The following SV2C variants were observed in gnomAD, a reference collection of about 807,000 sequenced individuals.
The protein encoded by SV2C is synaptic vesicle glycoprotein 2C, also known as solute carrier family 22 member B3.
A neutral mutation model predicts 79.7 loss-of-function variants in SV2C; 49 were observed. The observed-to-expected ratio is 0.61, with a 90% confidence interval of 0.49 to 0.78. The LOEUF is 0.78. Ranked by LOEUF, SV2C falls within the 30% of genes least tolerant of loss-of-function variation. SV2C has a pLI of 0.00. For synonymous variants in SV2C, 334 were observed against 333.2 expected, an observed-to-expected ratio of 1.00 and a Z score of -0.03; for missense variants, 833 against 912.9, an observed-to-expected ratio of 0.91 and a Z score of 1.13.
the SV2C span, among the ~76,000 whole-genome samples, chr5:75,995,416 T>C: frequency 0.031 from 4,678 of 152,230 alleles, 262 homozygotes; most frequent in African/African-American, 0.11. Context: ...AAGAGTATAT[T>C]ATATTGCTTC....
At chr5:76,194,195 A>T (rs545049431) in intron 2 of SV2C, among the ~76,000 whole-genome samples, 1 of 152,168 alleles carries the variant, frequency 6.6e-6, no homozygotes, top group Non-Finnish European at 1.5e-5. Context: ...CTGGAGCTAT[A>T]TGAAAGACTC....
chr5:75,969,992 T>A, the SV2C span, among the ~76,000 whole-genome samples: 2 of 151,958 alleles, frequency 1.3e-5, no homozygotes, highest in Non-Finnish European at 2.9e-5. Context: ...CACAGTGCAA[T>A]CAAACTAGAA....
chr5:76,045,144 T>C, the SV2C span, among the ~76,000 whole-genome samples: 1 of 152,216 alleles, frequency 6.6e-6, no homozygotes, highest in Non-Finnish European at 1.5e-5. Context: ...TAACCAGTTT[T>C]CCCAGCACCG....
chr5:76,004,228 T>C, the SV2C span, among the ~76,000 whole-genome samples: 1 of 152,212 alleles, frequency 6.6e-6, no homozygotes, highest in Non-Finnish European at 1.5e-5. Context: ...TCTGGGCTGG[T>C]AGCCAGATCC....
At chr5:76,317,771 G>A (rs1235924593) in intron 12 of SV2C, among the ~76,000 whole-genome samples, 8 of 152,220 alleles carry the variant, frequency 5.3e-5, no homozygotes, top group African/African-American at 1.9e-4. Context: ...CGAGGCTGCA[G>A]TGAGCTATGA....
the SV2C span, among the ~76,000 whole-genome samples, chr5:75,904,835 C>A: frequency 6.6e-6 from 1 of 152,304 alleles, no homozygotes; most frequent in South Asian, 2.1e-4. Context: ...ATAACTGCTA[C>A]CTAAGGACAG....
intron 9 of SV2C, among the ~76,000 whole-genome samples, chr5:76,298,050 C>A (rs1043476722): frequency 2.8e-4 from 43 of 152,126 alleles, no homozygotes; most frequent in African/African-American, 9.2e-4. Flanking sequence ...ATCATTATGA[C>A]TGTTACCATT....
the SV2C span, among the ~76,000 whole-genome samples, chr5:76,068,651 G>T: frequency 6.6e-6 from 1 of 151,978 alleles, no homozygotes; most frequent in South Asian, 2.1e-4. Context: ...AAAAGTTGAA[G>T]AAATAATTGT....
At chr5:76,101,495 T>C (rs558422915) in intron 1 of SV2C, among the ~76,000 whole-genome samples, 1 of 152,174 alleles carries the variant, frequency 6.6e-6, no homozygotes, top group East Asian at 1.9e-4. Flanking sequence ...CTGTGGGAGG[T>C]AGAACCTAGA....
At chr5:75,948,419 G>A in the SV2C span, among the ~76,000 whole-genome samples, 11 of 152,072 alleles carry the variant, frequency 7.2e-5, no homozygotes, top group Non-Finnish European at 1.2e-4. Context: ...GGAAAGTCAG[G>A]TGAAGGCAAT....
the SV2C span, among the ~76,000 whole-genome samples, chr5:76,048,059 C>T: frequency 1.3e-5 from 2 of 152,150 alleles, no homozygotes; most frequent in African/African-American, 4.8e-5. Context: ...AAGATTTTGT[C>T]ATTCCACAAT....
intron 4 of SV2C, among the ~76,000 whole-genome samples, chr5:76,231,838 T>C (rs1202416576): frequency 4.8e-5 from 7 of 146,420 alleles, no homozygotes; most frequent in East Asian, 1.9e-4. Context: ...AGTCTATCAC[T>C]GTTGGACATT....
intron 2 of SV2C, among the ~76,000 whole-genome samples, chr5:76,146,041 T>TC (rs1749408552): frequency 6.6e-6 from 1 of 151,394 alleles, no homozygotes; most frequent in African/African-American, 2.4e-5. Flanking sequence ...CACAATGTGT[T>TC]CCACTCCACA....
At chr5:75,882,854 C>T in the SV2C span, among the ~76,000 whole-genome samples, 1 of 150,922 alleles carries the variant, frequency 6.6e-6, no homozygotes, top group Middle Eastern at 3.2e-3. Context: ...TCTAATTAAA[C>T]TAAAGAGCTT....
chr5:75,973,072 A>G, the SV2C span, among the ~76,000 whole-genome samples: 1 of 152,066 alleles, frequency 6.6e-6, no homozygotes, highest in Admixed American at 6.5e-5. Context: ...AAACTATTGC[A>G]AGGACAAAAA....
the SV2C span, among the ~76,000 whole-genome samples, chr5:75,868,711 TG>T: frequency 3.3e-3 from 504 of 152,246 alleles, 14 homozygotes; most frequent in Admixed American, 0.028. Flanking sequence ...GAATTGGAGT[TG>T]GGGGCAGAGT....
chr5:75,920,339 C>G, the SV2C span, among the ~76,000 whole-genome samples: 1 of 152,124 alleles, frequency 6.6e-6, no homozygotes, highest in African/African-American at 2.4e-5. Context: ...CCTTCAGTCA[C>G]CAATCAAATA....
At chr5:76,107,415 C>T (rs1432213237) in intron 1 of SV2C, among the ~76,000 whole-genome samples, 2 of 152,076 alleles carry the variant, frequency 1.3e-5, no homozygotes, top group South Asian at 4.2e-4. Context: ...CTGACTAGCT[C>T]GTGAGTTAGA....
chr5:76,049,019 G>GAAAGAAAGAAAGAAAGAA, the SV2C span, among the ~76,000 whole-genome samples: 2 of 89,262 alleles, frequency 2.2e-5, no homozygotes, highest in Non-Finnish European at 4.4e-5. Context: ...AAGAAAGAAA[G>GAAAGAAAGAAAGAAAGAA]AAAGAAAAAG....
Sources: allele counts gnomAD v4.1 joint callset (sites outside exome capture counted in the v4.1 genomes callset), GRCh38; gene constraint gnomAD v4.1.1; transcripts MANE v1.5; gene names NCBI Gene and HGNC (gene_info 2026-07-23, HGNC 2026-07-21).